FXR1: variants seen among roughly 807,000 people sequenced by gnomAD.
The protein encoded by FXR1 is FMR1 autosomal homolog 1.
Under a neutral mutation model 84.0 loss-of-function variants are expected in FXR1, and 15 were observed. That is an observed-to-expected ratio of 0.18 (90% CI 0.12 to 0.27). The LOEUF (loss-of-function observed/expected upper bound fraction) is 0.27. FXR1 is among the 10% of genes least tolerant of loss of function. The pLI is 1.00. For synonymous variants in FXR1, 245 were observed against 250.7 expected (o/e 0.98, Z 0.21); for missense variants, 480 against 774.4 (o/e 0.62, Z 4.51).
At chr3:180,940,633 A>AT (rs1721024767) in intron 3 of FXR1, among the ~76,000 whole-genome samples, 1 of 148,040 alleles carries the variant, frequency 6.8e-6, no homozygotes, top group Admixed American at 6.9e-5. Flanking sequence ...CTCTAGTGCA[A>AT]TGGCGCCATC....
At chr3:180,926,506 A>ATATATATATATATATATTTTTTTTTTT (rs72192827) in intron 1 of FXR1, among the ~76,000 whole-genome samples, 1 of 124,394 alleles carries the variant, frequency 8.0e-6, no homozygotes, top group African/African-American at 2.9e-5. Flanking sequence ...ATATATATAT[A>ATATATATATATATATATTTTTTTTTTT]TTTTTTTTTC....
At chr3:180,948,029 T>C (rs1721874052) in intron 4 of FXR1, 93 bp downstream of exon 4, 1 of 731,600 alleles carries the variant, frequency 1.4e-6, no homozygotes, top group Admixed American at 2.4e-5. Flanking sequence ...GTTAGTTTTA[T>C]TTCTAAAAGC....
At chr3:180,936,899 G>C (rs1463938937) in intron 3 of FXR1, among the ~76,000 whole-genome samples, 1 of 152,132 alleles carries the variant, frequency 6.6e-6, no homozygotes, top group African/African-American at 2.4e-5. Context: ...CTATCTGTGT[G>C]TATTAGAGTT....
At chr3:180,944,744 C>T (rs746337019) in intron 3 of FXR1, among the ~76,000 whole-genome samples, 4 of 152,114 alleles carry the variant, frequency 2.6e-5, no homozygotes, top group Non-Finnish European at 4.4e-5. Flanking sequence ...TACCCCAGGC[C>T]CCCAAGTAGC....
intron 3 of FXR1, among the ~76,000 whole-genome samples, chr3:180,936,222 G>A (rs1235939252): frequency 6.6e-6 from 1 of 151,740 alleles, no homozygotes; most frequent in Non-Finnish European, 1.5e-5. Context: ...TACATATTCT[G>A]TACTAAGCAC....
chr3:180,913,997 T>G (rs1363963947), intron 1 of FXR1, among the ~76,000 whole-genome samples: 2 of 152,204 alleles, frequency 1.3e-5, no homozygotes, highest in Admixed American at 6.5e-5. Flanking sequence ...GCTCTGTGGA[T>G]TTGGTTTAAC....
chr3:180,937,437 C>A (rs1720649290), intron 3 of FXR1, among the ~76,000 whole-genome samples: 1 of 151,828 alleles, frequency 6.6e-6, no homozygotes, highest in Non-Finnish European at 1.5e-5. Context: ...TCTGGCTCAC[C>A]CCTGTGGTCT....
chr3:180,928,317 A>C (rs1560166523), intron 1 of FXR1, among the ~76,000 whole-genome samples: 1 of 151,988 alleles, frequency 6.6e-6, no homozygotes, highest in Non-Finnish European at 1.5e-5. Flanking sequence ...GTTTTAAAAT[A>C]ATCTTTAAGG....
chr3:180,914,053 T>TC (rs1216514562), intron 1 of FXR1, among the ~76,000 whole-genome samples: 1 of 152,186 alleles, frequency 6.6e-6, no homozygotes, highest in Non-Finnish European at 1.5e-5. Flanking sequence ...GTATAAAGGA[T>TC]CCCCCTAAGC....
rs1399895621 is a variant in FXR1, at chr3:180,978,994, T to G, written c.*2702T>G. ...TAATAGGAATACACAAATCTTTATT[T>G]TGAAATAATCTTGTATTTTAATGTG... On this transcript the variant is annotated 3_prime_UTR_variant, in exon 17 of 17. Coordinates refer to ENST00000357559, the MANE Select transcript of FXR1 (RefSeq NM_005087.4). 2.0e-5 allele frequency: 3 copies of G among 152,116 alleles called. No homozygotes were observed. The highest frequency in any genetic ancestry group is 7.2e-5 in the African/African-American group (3 of 41,436). 9.4% of individuals were successfully genotyped at this position (152,116 alleles called of 1,614,324 possible). A position where few individuals can be genotyped will look rare whatever the true frequency, so the allele number is the denominator to read the frequency against.
intron 13 of FXR1, among the ~76,000 whole-genome samples, chr3:180,966,180 A>C (rs1712807302): frequency 6.6e-6 from 1 of 152,182 alleles, no homozygotes; most frequent in Non-Finnish European, 1.5e-5. Context: ...ATTTGGTGAA[A>C]TAAATGTTAG....
In FXR1 at chr3:180,977,084, T is replaced by C. The variant is rs1714312323; in HGVS notation, c.*792T>C. 6.6e-6 allele frequency: 1 copy of C among 152,312 alleles called. No individual in the cohort carries two copies. The highest frequency in any genetic ancestry group is 2.1e-4 in the South Asian group (1 of 4,834). The allele number at this position is 152,312 out of a possible 1,614,324, so 9.4% of individuals were successfully genotyped here. A position where few individuals can be genotyped will look rare whatever the true frequency, so the allele number is the denominator to read the frequency against. On this transcript the variant is annotated 3_prime_UTR_variant, in exon 17 of 17. Coordinates refer to ENST00000357559, the MANE Select transcript of FXR1 (RefSeq NM_005087.4). ...GTATCTTTTTTTTTTCCTTTTTTTT[T>C]TTTTTATTTCGGTTGTTTGATGTGC...
chr3:180,929,296 A>G (rs113148637), intron 1 of FXR1, among the ~76,000 whole-genome samples: 13 of 151,966 alleles, frequency 8.6e-5, no homozygotes, highest in Non-Finnish European at 1.8e-4. Flanking sequence ...TTTTCCGCCT[A>G]TCCATAGCAA....
At chr3:180,974,934 T>C (rs1408307555) in intron 15 of FXR1, among the ~76,000 whole-genome samples, 11 of 85,360 alleles carry the variant, frequency 1.3e-4, no homozygotes, top group South Asian at 9.7e-4. Flanking sequence ...ATTTGCCCCA[T>C]TCCCCCCTCC....
At position 180,978,441 on chromosome 3, in the gene FXR1, A is replaced by C. The variant is rs1312659670; in HGVS notation, c.*2149A>C. The C allele has an allele frequency of 6.6e-6, 1 of 152,046 alleles. No individual in the cohort carries two copies. The allele number at this position is 152,046 out of a possible 1,614,324, so 9.4% of individuals were successfully genotyped here. A position where few individuals can be genotyped will look rare whatever the true frequency, so the allele number is the denominator to read the frequency against. On this transcript the variant is annotated 3_prime_UTR_variant, in exon 17 of 17. Coordinates refer to ENST00000357559, the MANE Select transcript of FXR1 (RefSeq NM_005087.4). ...TAAATACGCATTTGTTTTTTTAGAG[A>C]GCCCCACTCCCCAAAGGGTAGCCAT...
chr3:180,938,922 G>A (rs1449450740), intron 3 of FXR1, among the ~76,000 whole-genome samples: 3 of 150,732 alleles, frequency 2.0e-5, no homozygotes, highest in African/African-American at 7.3e-5. Context: ...TTGAGATGGA[G>A]TCTCACTAAG....
intron 16 of FXR1, among the ~76,000 whole-genome samples, chr3:180,975,896 T>C (rs1359349495): frequency 6.6e-6 from 1 of 152,224 alleles, no homozygotes; most frequent in Non-Finnish European, 1.5e-5. Flanking sequence ...AGATGTTTTC[T>C]GTGGTTTGGG....
At chr3:180,972,404 G>C (rs1343572875) in intron 15 of FXR1, among the ~76,000 whole-genome samples, 1 of 152,142 alleles carries the variant, frequency 6.6e-6, no homozygotes, top group Non-Finnish European at 1.5e-5. Flanking sequence ...CGCAGTGAAG[G>C]GTGATCGTGC....
rs1714248038 is a variant in FXR1, at chr3:180,976,385, T to A, written c.*93T>A. On this transcript the variant is annotated 3_prime_UTR_variant, in exon 17 of 17. Transcript: ENST00000357559. ...AAAGATAGAATATGGATCGCCAGTC[T>A]TTACATCGCACTTTCAGTTCCTCCA... 2.5e-6 allele frequency: 2 copies of A among 797,542 alleles called. No homozygotes were observed. Among genetic ancestry groups the A allele is most frequent in the Non-Finnish European group, 4.0e-6 (2 of 506,000 alleles). The allele number at this position is 797,542 out of a possible 1,614,324, so 49.4% of individuals were successfully genotyped here.
Sources: allele counts gnomAD v4.1 joint callset (sites outside exome capture counted in the v4.1 genomes callset), GRCh38; gene constraint gnomAD v4.1.1; transcripts MANE v1.5; gene names NCBI Gene and HGNC (gene_info 2026-07-23, HGNC 2026-07-21).